Variants in DNM3 observed in about 807,000 individuals in gnomAD.
DNM3 encodes dynamin 3.
A neutral mutation model predicts 101.6 loss-of-function variants in DNM3; 47 were observed. The observed-to-expected ratio is 0.46, with a 90% CI of 0.37 to 0.59. The LOEUF is 0.59. Among genes scored for constraint, DNM3 ranks in the 20% least tolerant of loss-of-function variants. The pLI, the probability that DNM3 is intolerant of heterozygous loss-of-function variation, is 0.00. For synonymous variants in DNM3, 385 were observed against 387.9 expected, an observed-to-expected ratio of 0.99 and a Z score of 0.09; for missense variants, 849 against 1,085.7, an observed-to-expected ratio of 0.78 and a Z score of 3.06.
rs946244998 is a variant in DNM3 at position 172,032,418 on chromosome 1, A to C, written c.606A>C (p.Gly202=). The C allele has an allele frequency of 1.9e-6, 3 of 1,607,868 alleles. No individual in the cohort carries two copies. The highest frequency in any genetic ancestry group is 2.6e-6 in the Non-Finnish European group (3 of 1,175,950). The change falls in exon 5 of 21, where the codon GGA becomes GGC. Residue 202 remains glycine (G), a synonymous_variant. Coordinates refer to ENST00000627582, the MANE Select transcript of DNM3 (RefSeq NM_015569.5). ...ATGATGCAGGTCTGAGAACCATTGG[A>C]GTTATCACCAAACTGGACCTTATGG... is the stretch of plus-strand genomic sequence containing the variant. The part of the protein sequence containing the change: ...EVDPQGLRTI[G]VITKLDLMDE...
rs2062278697 is a variant in DNM3 at position 172,253,685 on chromosome 1, A to G, written c.1769+3A>G. The G allele has an allele frequency of 1.3e-6, 2 of 1,539,226 alleles. No individual in the cohort carries two copies. Among genetic ancestry groups the G allele is most frequent in the African/African-American group, 1.4e-5 (1 of 72,860 alleles). ...GCACTCTTTAATACAGAGCAAAGGT[A>G]AGAAATTGAAACAGTTCCTGTCTTC... On this transcript the variant is annotated splice_donor_region_variant and intron_variant, in intron 15 of 20. Coordinates refer to ENST00000627582, the MANE Select transcript of DNM3 (RefSeq NM_015569.5).
chr1:172,042,523 A>C (rs996518024), intron 8 of DNM3, among the ~76,000 whole-genome samples: 2 of 152,200 alleles, frequency 1.3e-5, no homozygotes, highest in African/African-American at 4.8e-5. Context: ...GAAAGTTTCA[A>C]ATGTTTTTAT....
At chr1:172,078,445 CT>C (rs1163612701) in intron 11 of DNM3, among the ~76,000 whole-genome samples, 1,779 of 144,128 alleles carry the variant, frequency 0.012, 23 homozygotes, top group African/African-American at 0.037. Context: ...TGCAACCCTG[CT>C]TTTTTTTTTT....
chr1:171,935,769 CTTTT>C (rs551030808), intron 2 of DNM3, among the ~76,000 whole-genome samples: 19 of 48,018 alleles, frequency 4.0e-4, no homozygotes, highest in South Asian at 3.1e-3. Context: ...CAAATCAAAA[CTTTT>C]TTTTTTTTTT....
At chr1:172,307,072 C>T (rs1301626739) in intron 15 of DNM3, among the ~76,000 whole-genome samples, 1 of 152,082 alleles carries the variant, frequency 6.6e-6, no homozygotes, top group East Asian at 1.9e-4. Flanking sequence ...AAAGAAACTA[C>T]CATCAGAGTG....
intron 20 of DNM3, chr1:172,397,389 A>G (rs1290714803): frequency 6.6e-6 from 1 of 152,586 alleles, no homozygotes; most frequent in East Asian, 1.9e-4. Context: ...TGCTCTGCGT[A>G]TGATTTGTAT....
At chr1:172,304,785 G>A (rs771844383) in intron 15 of DNM3, among the ~76,000 whole-genome samples, 2 of 152,120 alleles carry the variant, frequency 1.3e-5, no homozygotes, top group Admixed American at 6.5e-5. Flanking sequence ...AAGGACTAAG[G>A]GTTTAATAAT....
At chr1:172,287,805 GCACACACACACACA>G (rs3078985) in intron 15 of DNM3, among the ~76,000 whole-genome samples, 7 of 144,136 alleles carry the variant, frequency 4.9e-5, no homozygotes, top group Admixed American at 3.5e-4. Flanking sequence ...ATATACACAT[GCACACACACACACA>G]CACACACACA....
intron 14 of DNM3, among the ~76,000 whole-genome samples, chr1:172,233,924 A>T (rs1470817746): frequency 6.6e-6 from 1 of 152,214 alleles, no homozygotes; most frequent in Non-Finnish European, 1.5e-5. Context: ...ATAAACCCAC[A>T]GTCAATATCA....
intron 15 of DNM3, among the ~76,000 whole-genome samples, chr1:172,305,409 A>G (rs1025373976): frequency 6.6e-6 from 1 of 152,156 alleles, no homozygotes; most frequent in Non-Finnish European, 1.5e-5. Flanking sequence ...CCAACCAAAA[A>G]AGTCCAAAAC....
At chr1:172,292,895 C>A (rs1333160570) in intron 15 of DNM3, among the ~76,000 whole-genome samples, 1 of 152,146 alleles carries the variant, frequency 6.6e-6, no homozygotes, top group Non-Finnish European at 1.5e-5. Context: ...ATTTCACTGG[C>A]AACCAGAAAT....
intron 20 of DNM3, among the ~76,000 whole-genome samples, chr1:172,400,742 T>C (rs1573754848): frequency 1.3e-5 from 2 of 152,196 alleles, no homozygotes; most frequent in Non-Finnish European, 2.9e-5. Flanking sequence ...TTTCATGACT[T>C]TATTAGGACT....
chr1:171,978,009 C>T (rs1291946515), intron 2 of DNM3, among the ~76,000 whole-genome samples: 1 of 151,974 alleles, frequency 6.6e-6, no homozygotes, highest in African/African-American at 2.4e-5. Flanking sequence ...TTTTTTTTCC[C>T]TTATCCACAA....
rs116653410 is a variant in DNM3 at position 172,382,862 on chromosome 1, T to C, written c.2058+3680T>C. On this transcript the variant is annotated intron_variant, in intron 18 of 20. Transcript: ENST00000627582. ...TTTGAAACATAGAGCCATTTCACAC[T>C]GGAGTGTGTGCTGTAGCCTGCGCCC... is the stretch of plus-strand genomic sequence containing the variant. Among the ~76,000 whole-genome samples the C allele has an allele frequency of 1.5e-3, 221 of 152,312 alleles. 1 individual carries two copies. The highest frequency in any genetic ancestry group is 5.2e-3 in the African/African-American group (215 of 41,566).
intron 2 of DNM3, among the ~76,000 whole-genome samples, chr1:171,961,624 C>T (rs181343855): frequency 1.5e-4 from 23 of 152,234 alleles, no homozygotes; most frequent in African/African-American, 4.1e-4. Context: ...GATTGGAAAG[C>T]GGGGGCCCAA....
chr1:172,193,345 G>A (rs372851679), intron 14 of DNM3, among the ~76,000 whole-genome samples: 345 of 152,190 alleles, frequency 2.3e-3, no homozygotes, highest in African/African-American at 8.0e-3. Context: ...TCCCTGCCAG[G>A]CTTTGGTATT....
chr1:172,301,555 A>C (rs1352645246), intron 15 of DNM3, among the ~76,000 whole-genome samples: 2 of 152,218 alleles, frequency 1.3e-5, no homozygotes, highest in Admixed American at 6.5e-5. Flanking sequence ...ATTTATAGGA[A>C]TCCATCTTCA....
At chr1:172,041,080 T>G (rs2125834093) in intron 7 of DNM3, among the ~76,000 whole-genome samples, 1 of 152,252 alleles carries the variant, frequency 6.6e-6, no homozygotes, top group East Asian at 1.9e-4. Flanking sequence ...AAATCTATGT[T>G]ATTCTGATAG....
chr1:172,149,788 A>G (rs1209343913), intron 14 of DNM3, among the ~76,000 whole-genome samples: 2 of 152,064 alleles, frequency 1.3e-5, no homozygotes, highest in Non-Finnish European at 2.9e-5. Context: ...AGGAAAAAAT[A>G]CCTGTATGTG....
Sources: allele counts gnomAD v4.1 joint callset (sites outside exome capture counted in the v4.1 genomes callset), GRCh38; gene constraint gnomAD v4.1.1; transcripts MANE v1.5; gene names NCBI Gene and HGNC (gene_info 2026-07-23, HGNC 2026-07-21).